The following AOPEP variants were observed in gnomAD, a reference collection of about 807,000 sequenced individuals.
AOPEP encodes the protein aminopeptidase O.
AOPEP carries 77 observed loss-of-function variants against 98.1 expected under a neutral mutation model. The observed-to-expected ratio is 0.78, with a 90% CI of 0.65 to 0.95. AOPEP has a LOEUF of 0.95. Ranked by LOEUF, AOPEP falls within the 40% of genes least tolerant of loss-of-function variation. AOPEP has a pLI of 0.00. For synonymous variants in AOPEP, 346 were observed against 365.3 expected, an observed-to-expected ratio of 0.95 and a Z score of 0.60; for missense variants, 1,024 against 1,024.7, an observed-to-expected ratio of 1.00 and a Z score of 0.01.
chr9:95,105,898 G>A, the AOPEP span, among the ~76,000 whole-genome samples: 3 of 152,156 alleles, frequency 2.0e-5, no homozygotes, highest in Admixed American at 6.5e-5. Context: ...GGCCATCTCT[G>A]CCTGCTGGCT....
the AOPEP span, chr9:95,135,516 A>G: frequency 6.2e-7 from 1 of 1,612,956 alleles, no homozygotes; most frequent in East Asian, 2.2e-5. Context: ...TCAGAAAGAA[A>G]TAAACAAAAT....
intron 13 of AOPEP, among the ~76,000 whole-genome samples, chr9:95,011,219 T>G (rs1416450081): frequency 6.8e-6 from 1 of 147,054 alleles, no homozygotes; most frequent in Non-Finnish European, 1.5e-5. Context: ...TGATTTTTTT[T>G]TTTTTTTTTT....
chr9:94,735,220 T>A (rs1831452451), intron 1 of AOPEP, among the ~76,000 whole-genome samples: 1 of 152,196 alleles, frequency 6.6e-6, no homozygotes, highest in African/African-American at 2.4e-5. Flanking sequence ...TGTCCAAGAA[T>A]CTGCATTTTT....
At chr9:94,833,167 C>T (rs533880679) in intron 5 of AOPEP, among the ~76,000 whole-genome samples, 1 of 149,182 alleles carries the variant, frequency 6.7e-6, no homozygotes, top group South Asian at 2.1e-4. Context: ...AACTCCTGAC[C>T]TAAAGTGATC....
intron 2 of AOPEP, 134 bp downstream of exon 2, chr9:94,760,714 T>A (rs962334583): frequency 7.5e-6 from 5 of 665,574 alleles, no homozygotes; most frequent in African/African-American, 5.5e-5. Context: ...CCTCAAATCC[T>A]TAGACCTACA....
rs180756724 is a variant in AOPEP, at chr9:94,945,373, G to A, written c.1662-9804G>A. Among the ~76,000 whole-genome samples, 1,088 of 152,218 alleles carry A rather than the reference G, an allele frequency of 7.1e-3. 6 individuals are homozygous for A. Among genetic ancestry groups the A allele is most frequent in the Non-Finnish European group, 0.013 (868 of 68,010 alleles). On this transcript the variant is annotated intron_variant, in intron 7 of 16. Transcript: ENST00000375315. ...ATCAAACATTTGTTAACCATTGGGC[G>A]TCATCATGGTCATTTCTAGTTTTTT...
At chr9:95,053,016 T>C (rs1329433411) in intron 13 of AOPEP, among the ~76,000 whole-genome samples, 2 of 152,236 alleles carry the variant, frequency 1.3e-5, no homozygotes, top group African/African-American at 4.8e-5. Flanking sequence ...GGTCTTCCCA[T>C]ACCTACCGGG....
intron 11 of AOPEP, among the ~76,000 whole-genome samples, chr9:94,992,671 G>A (rs560496003): frequency 3.3e-5 from 5 of 152,216 alleles, no homozygotes; most frequent in Admixed American, 1.3e-4. Flanking sequence ...AGCAGTGGGC[G>A]AGCCACTTGC....
At chr9:95,036,669 T>G (rs1221500203) in intron 13 of AOPEP, among the ~76,000 whole-genome samples, 2 of 148,360 alleles carry the variant, frequency 1.3e-5, no homozygotes, top group Non-Finnish European at 3.0e-5. Context: ...TTCCTCCTCC[T>G]CTTCTCCTTT....
the AOPEP span, chr9:95,107,059 G>A: frequency 2.5e-6 from 4 of 1,614,090 alleles, no homozygotes; most frequent in East Asian, 6.7e-5. Flanking sequence ...ACCACAGGGA[G>A]ACTTACCAGG....
At chr9:95,042,162 A>G (rs1269123745) in intron 13 of AOPEP, among the ~76,000 whole-genome samples, 2 of 152,058 alleles carry the variant, frequency 1.3e-5, no homozygotes, top group Admixed American at 1.3e-4. Context: ...AATGCAAAAA[A>G]TTAGCTGGGC....
intron 3 of AOPEP, among the ~76,000 whole-genome samples, chr9:94,785,669 A>G (rs1259396359): frequency 6.6e-6 from 1 of 152,186 alleles, no homozygotes; most frequent in African/African-American, 2.4e-5. Flanking sequence ...TGGCTGTGAA[A>G]TCATCCAGTG....
At chr9:94,779,161 A>T (rs557205315) in intron 3 of AOPEP, among the ~76,000 whole-genome samples, 1 of 152,342 alleles carries the variant, frequency 6.6e-6, no homozygotes, top group South Asian at 2.1e-4. Context: ...GCAATTGTCC[A>T]GTCAGGTTCT....
At chr9:95,042,295 G>A (rs977332841) in intron 13 of AOPEP, among the ~76,000 whole-genome samples, 2 of 148,140 alleles carry the variant, frequency 1.4e-5, no homozygotes, top group Non-Finnish European at 3.0e-5. Context: ...CTGGGCAACG[G>A]AGCGAGACTC....
chr9:94,734,849 T>C (rs1831367356), intron 1 of AOPEP, among the ~76,000 whole-genome samples: 1 of 152,216 alleles, frequency 6.6e-6, no homozygotes, highest in Non-Finnish European at 1.5e-5. Flanking sequence ...TGGCAGGGAA[T>C]GCTGTTTCAA....
At chr9:94,835,335 G>A (rs577949802) in intron 5 of AOPEP, among the ~76,000 whole-genome samples, 1 of 152,130 alleles carries the variant, frequency 6.6e-6, no homozygotes, top group East Asian at 1.9e-4. Flanking sequence ...TTTTGCTTTG[G>A]CTCATCTGTT....
At position 94,889,729 on chromosome 9, in the gene AOPEP, A is replaced by G. The variant is rs145896050; in HGVS notation, c.1365-34257A>G. Among the ~76,000 whole-genome samples the G allele has an allele frequency of 2.1e-4, 32 of 152,342 alleles. No homozygotes were observed. The East Asian group carries it at 5.8e-3, about 28-fold the overall frequency. ...ACCCAAGACAGTTCAATTGTGGGTCATATGGTAAGCCCCTTTTCAGTTTAA... is the reference window on the plus strand; with the variant it reads ...ACCCAAGACAGTTCAATTGTGGGTCGTATGGTAAGCCCCTTTTCAGTTTAA... On this transcript the variant is annotated intron_variant, in intron 5 of 16. Transcript: ENST00000375315.
intron 3 of AOPEP, among the ~76,000 whole-genome samples, chr9:94,783,492 C>T (rs1014999912): frequency 1.3e-5 from 2 of 152,120 alleles, no homozygotes; most frequent in African/African-American, 4.8e-5. Context: ...GAGACAGTCA[C>T]GCTATGGGTA....
At chr9:94,844,935 G>GA (rs967111036) in intron 5 of AOPEP, among the ~76,000 whole-genome samples, 2 of 151,552 alleles carry the variant, frequency 1.3e-5, no homozygotes, top group Non-Finnish European at 2.9e-5. Flanking sequence ...GACCATTTCA[G>GA]AAAAAAAAGA....
Sources: gnomAD v4.1 joint callset for allele counts (sites outside exome capture counted in the v4.1 genomes callset) on GRCh38, gnomAD v4.1.1 for gene constraint, MANE v1.5 for transcripts, NCBI Gene and HGNC (gene_info 2026-07-23, HGNC 2026-07-21) for gene names.